Variants in DLGAP2 observed in about 807,000 individuals in gnomAD.
DLGAP2 encodes the protein DLG associated protein 2.
In DLGAP2, 26 loss-of-function variants were observed where a neutral mutation model predicts 100.3. The observed-to-expected ratio is 0.26, with a 90% CI of 0.19 to 0.36. DLGAP2 has a LOEUF of 0.36. DLGAP2 is among the 10% of genes least tolerant of loss of function. The pLI is 1.00. For synonymous variants in DLGAP2, 886 were observed against 630.1 expected, an observed-to-expected ratio of 1.41 and a Z score of -6.08; for missense variants, 1,858 against 1,453.2, an observed-to-expected ratio of 1.28 and a Z score of -4.53.
intron 4 of DLGAP2, among the ~76,000 whole-genome samples, chr8:1,529,532 G>C (rs532487388): frequency 9.8e-5 from 15 of 152,288 alleles, no homozygotes; most frequent in Admixed American, 5.2e-4. Context: ...CATGTTTATA[G>C]AAAGCACCAA....
At chr8:1,173,873 G>A (rs193297968) in intron 2 of DLGAP2, among the ~76,000 whole-genome samples, 284 of 152,290 alleles carry the variant, frequency 1.9e-3, no homozygotes, top group African/African-American at 6.5e-3. Flanking sequence ...GCTCCCGCAC[G>A]GTGCACGCAC....
rs115556752 is a variant in DLGAP2, at chr8:818,399, C to T, written c.18+80574C>T. On this transcript the variant is annotated intron_variant, in intron 1 of 14. Transcript: ENST00000637795. ...AGTCTATTTCCAGGCAGCCAGTAAC[C>T]CCCTGAGAATTTTCCCTGGAACTTT... 3.6e-3 allele frequency among the ~76,000 whole-genome samples: 542 copies of T among 152,266 alleles called. 8 individuals carry two copies. The highest frequency in any genetic ancestry group is 0.013 in the African/African-American group (522 of 41,552).
chr8:868,217 T>C (rs1435295460), intron 1 of DLGAP2, among the ~76,000 whole-genome samples: 2 of 152,218 alleles, frequency 1.3e-5, no homozygotes, highest in Non-Finnish European at 2.9e-5. Context: ...TCTGAGCACT[T>C]ATTTTTGTCT....
chr8:1,675,221 G>C (rs575063263), intron 10 of DLGAP2, among the ~76,000 whole-genome samples: 3 of 152,238 alleles, frequency 2.0e-5, no homozygotes, highest in Non-Finnish European at 4.4e-5. Flanking sequence ...GCGGCCGAGA[G>C]CTCCAGGGTT....
At chr8:1,242,353 G>T (rs901469633) in intron 2 of DLGAP2, among the ~76,000 whole-genome samples, 3 of 152,200 alleles carry the variant, frequency 2.0e-5, no homozygotes, top group Non-Finnish European at 4.4e-5. Flanking sequence ...GCCATTACCT[G>T]CTCATGGCTA....
intron 3 of DLGAP2, among the ~76,000 whole-genome samples, chr8:1,491,090 A>AAAAAAAAAAC (rs1348672702): frequency 2.7e-5 from 4 of 147,774 alleles, no homozygotes; most frequent in African/African-American, 9.7e-5. Flanking sequence ...AAAAAAAAAA[A>AAAAAAAAAAC]AACCCAAAAA....
chr8:1,109,071 T>A (rs1362475123), intron 2 of DLGAP2, among the ~76,000 whole-genome samples: 1 of 119,922 alleles, frequency 8.3e-6, no homozygotes, highest in Non-Finnish European at 1.8e-5. Flanking sequence ...GTGCTGGGTC[T>A]GTGAGGTGTG....
At chr8:1,633,788 T>C (rs1156467303) in intron 8 of DLGAP2, among the ~76,000 whole-genome samples, 1 of 152,214 alleles carries the variant, frequency 6.6e-6, no homozygotes, top group East Asian at 1.9e-4. Flanking sequence ...TGAGGTGTTC[T>C]GAATACCAGA....
At chr8:1,597,782 G>A (rs867052816) in intron 6 of DLGAP2, among the ~76,000 whole-genome samples, 9 of 152,174 alleles carry the variant, frequency 5.9e-5, no homozygotes, top group Non-Finnish European at 8.8e-5. Flanking sequence ...AGACAATGGG[G>A]TTTTCTACAT....
At chr8:809,064 G>A (rs1185689130) in intron 1 of DLGAP2, among the ~76,000 whole-genome samples, 5 of 152,030 alleles carry the variant, frequency 3.3e-5, no homozygotes, top group South Asian at 2.1e-4. Context: ...GCACCACCAC[G>A]CCTGGCTAAT....
At chr8:1,485,339 G>T (rs189967046) in intron 3 of DLGAP2, among the ~76,000 whole-genome samples, 2 of 152,182 alleles carry the variant, frequency 1.3e-5, no homozygotes, top group Non-Finnish European at 2.9e-5. Flanking sequence ...AGCATAGGCA[G>T]GACTTATCTA....
chr8:1,535,436 C>G (rs1801124393), intron 4 of DLGAP2, among the ~76,000 whole-genome samples: 1 of 152,200 alleles, frequency 6.6e-6, no homozygotes, highest in East Asian at 1.9e-4. Flanking sequence ...GAACGATGGC[C>G]AAGAGGGCAG....
chr8:1,460,558 C>T (rs1474029573), intron 3 of DLGAP2, among the ~76,000 whole-genome samples: 2 of 152,246 alleles, frequency 1.3e-5, no homozygotes, highest in African/African-American at 2.4e-5. Flanking sequence ...CATGGTGACT[C>T]GACGGTCTCT....
At chr8:757,054 C>A (rs970877541) in intron 1 of DLGAP2, among the ~76,000 whole-genome samples, 3 of 152,180 alleles carry the variant, frequency 2.0e-5, no homozygotes, top group Admixed American at 6.5e-5. Flanking sequence ...CTCCCTGTTT[C>A]CCGCCATGGG....
chr8:1,368,281 T>C (rs1297103102), intron 3 of DLGAP2, among the ~76,000 whole-genome samples: 1 of 151,866 alleles, frequency 6.6e-6, no homozygotes, highest in Non-Finnish European at 1.5e-5. Context: ...TATGTGTGTA[T>C]GTGTGTGTAT....
At chr8:1,551,587 C>G (rs1163005764) in intron 5 of DLGAP2, among the ~76,000 whole-genome samples, 1 of 152,186 alleles carries the variant, frequency 6.6e-6, no homozygotes, top group African/African-American at 2.4e-5. Context: ...GGTCTAGGTG[C>G]AGGGAATACC....
chr8:1,568,563 C>T (rs1802514380), intron 6 of DLGAP2, among the ~76,000 whole-genome samples: 1 of 134,784 alleles, frequency 7.4e-6, no homozygotes, highest in African/African-American at 2.8e-5. Context: ...ATTCCACTGT[C>T]TACTCAGCAG....
chr8:1,037,279 C>G (rs775732561), intron 2 of DLGAP2, among the ~76,000 whole-genome samples: 2 of 152,136 alleles, frequency 1.3e-5, no homozygotes, highest in African/African-American at 2.4e-5. Context: ...TATCACCTGG[C>G]GTGACCCTGA....
Position 1,684,699 on chromosome 8 carries a change from G to T in DLGAP2, c.2704+6070G>T, listed in dbSNP as rs547276546. ...CTATTGTTAATAAAAGTACTTTCAA[G>T]ATATTAAATCATTAGTAATGTTTTA... is the stretch of plus-strand genomic sequence containing the variant. On this transcript the variant is annotated intron_variant, in intron 12 of 14. Transcript: ENST00000637795. Among the ~76,000 whole-genome samples the T allele has an allele frequency of 1.1e-3, 161 of 151,520 alleles. 4 individuals are homozygous for T. The highest frequency in any genetic ancestry group is 3.7e-3 in the African/African-American group (154 of 41,192).
Sources: allele counts gnomAD v4.1 joint callset (sites outside exome capture counted in the v4.1 genomes callset), GRCh38; gene constraint gnomAD v4.1.1; transcripts MANE v1.5; gene names NCBI Gene and HGNC (gene_info 2026-07-23, HGNC 2026-07-21).